The following ARHGAP6 variants were observed in gnomAD, a reference collection of about 807,000 sequenced individuals.
ARHGAP6 encodes Rho GTPase activating protein 6.
ARHGAP6 carries 16 observed loss-of-function variants against 55.7 expected under a neutral mutation model. The ratio of observed to expected loss-of-function variants is 0.29; its 90% confidence interval spans 0.19 to 0.44. The LOEUF is 0.44. ARHGAP6 is among the 20% of genes least tolerant of loss of function. The pLI, the probability that ARHGAP6 is intolerant of heterozygous loss-of-function variation, is 1.00. For missense variants in ARHGAP6, 698 were observed against 808.9 expected (o/e 0.86, Z 1.66); for synonymous variants, 382 against 360.9 (o/e 1.06, Z -0.66).
intron 1 of ARHGAP6, chrX:11,298,036 AT>A (rs1003751801): frequency 9.8e-7 from 1 of 1,023,385 alleles, no homozygotes; most frequent in African/African-American, 1.9e-5. Context: ...TGTGTGATGG[AT>A]GTAAACACAG....
At chrX:11,556,295 C>G (rs756305805) in intron 1 of ARHGAP6, among the ~76,000 whole-genome samples, 4 of 111,588 alleles carry the variant, frequency 3.6e-5, no homozygotes, top group Non-Finnish European at 7.5e-5. Context: ...GGCCAAGATC[C>G]AACAACTTTT....
chrX:11,196,002 T>TGG (rs1420198577), intron 3 of ARHGAP6, among the ~76,000 whole-genome samples: 2 of 72,503 alleles, frequency 2.8e-5, no homozygotes, highest in Non-Finnish European at 5.1e-5. Flanking sequence ...GTTGTGGTGG[T>TGG]GGGCGCCTGT....
At chrX:11,337,547 G>A (rs148522933) in intron 1 of ARHGAP6, among the ~76,000 whole-genome samples, 49 of 112,437 alleles carry the variant, frequency 4.4e-4, no homozygotes, top group African/African-American at 1.6e-3. Flanking sequence ...AGCAGCCCAA[G>A]AAGGCTGGGC....
intron 1 of ARHGAP6, among the ~76,000 whole-genome samples, chrX:11,637,428 A>T (rs2052430541): frequency 8.9e-6 from 1 of 111,965 alleles, no homozygotes; most frequent in Non-Finnish European, 1.9e-5. Flanking sequence ...AGCTTTAACA[A>T]TTCATAAACT....
chrX:11,388,429 T>A (rs1288839794), intron 1 of ARHGAP6, among the ~76,000 whole-genome samples: 44 of 112,008 alleles, frequency 3.9e-4, no homozygotes, highest in African/African-American at 1.2e-3. Context: ...AATTTGTTTG[T>A]GTTCATTGTA....
At chrX:11,379,102 G>A (rs1323351024) in intron 1 of ARHGAP6, among the ~76,000 whole-genome samples, 3 of 112,430 alleles carry the variant, frequency 2.7e-5, no homozygotes, top group Non-Finnish European at 5.6e-5. Context: ...CTTGGGTGGA[G>A]TTGCTTAGCT....
chrX:11,256,440 T>G (rs1428485813), intron 1 of ARHGAP6, among the ~76,000 whole-genome samples: 1 of 111,759 alleles, frequency 8.9e-6, no homozygotes, highest in African/African-American at 3.3e-5. Context: ...ACAGAAAGAC[T>G]GGTCCCAGCA....
intron 1 of ARHGAP6, among the ~76,000 whole-genome samples, chrX:11,346,755 G>GAAAGAA (rs1248011202): frequency 4.6e-5 from 5 of 109,576 alleles, no homozygotes; most frequent in African/African-American, 1.0e-4. Flanking sequence ...AAGAAAGAAA[G>GAAAGAA]AGAGAAAGAA....
At chrX:11,362,114 A>G (rs1229849271) in intron 1 of ARHGAP6, among the ~76,000 whole-genome samples, 2 of 112,050 alleles carry the variant, frequency 1.8e-5, no homozygotes, top group South Asian at 3.7e-4. Flanking sequence ...TCAGGGATCT[A>G]GAACTAGAAA....
chrX:11,639,344 T>G (rs1476477300), intron 1 of ARHGAP6, among the ~76,000 whole-genome samples: 1 of 110,805 alleles, frequency 9.0e-6, no homozygotes, highest in Non-Finnish European at 1.9e-5. Context: ...GTATATCTCC[T>G]AATGCTATCC....
At chrX:11,229,835 T>C (rs1736327754) in intron 2 of ARHGAP6, among the ~76,000 whole-genome samples, 1 of 111,676 alleles carries the variant, frequency 9.0e-6, no homozygotes, top group South Asian at 3.8e-4. Flanking sequence ...ACTCTTATCT[T>C]TTCAAGGTTT....
At chrX:11,453,616 G>C (rs1249204204) in intron 1 of ARHGAP6, among the ~76,000 whole-genome samples, 1 of 110,759 alleles carries the variant, frequency 9.0e-6, no homozygotes. Flanking sequence ...ACTTCTGGTT[G>C]TACCAATAGT....
At chrX:11,504,258 A>G (rs2050709853) in intron 1 of ARHGAP6, among the ~76,000 whole-genome samples, 1 of 112,078 alleles carries the variant, frequency 8.9e-6, no homozygotes, top group Admixed American at 9.5e-5. Context: ...GCTTCCTTGG[A>G]AAGCAGGTAG....
In ARHGAP6 at chrX:11,183,433, T is replaced by A. The variant is rs539554356; in HGVS notation, c.1274-1315A>T. Among the ~76,000 whole-genome samples, 77 of 111,946 alleles carry A rather than the reference T, an allele frequency of 6.9e-4. No individual in the cohort carries two copies. The South Asian group carries it at 0.026, about 38-fold the overall frequency. Reference sequence around the variant, plus strand: ...TCATGTCCTAGATGTGAAAATATAGTGTCAGTGCTGAGGTTGAGAAACTCA... The same window carrying A: ...TCATGTCCTAGATGTGAAAATATAGAGTCAGTGCTGAGGTTGAGAAACTCA... On this transcript the variant is annotated intron_variant, in intron 5 of 12. Coordinates refer to ENST00000337414, the MANE Select transcript of ARHGAP6 (RefSeq NM_013427.3).
intron 1 of ARHGAP6, among the ~76,000 whole-genome samples, chrX:11,416,853 C>T (rs1318909189): frequency 3.7e-5 from 4 of 107,795 alleles, no homozygotes; most frequent in Non-Finnish European, 5.7e-5. Flanking sequence ...TTCAGTCACG[C>T]GGTTGTCGGT....
At chrX:11,515,405 G>A (rs1290568207) in intron 1 of ARHGAP6, among the ~76,000 whole-genome samples, 1 of 112,047 alleles carries the variant, frequency 8.9e-6, no homozygotes, top group Non-Finnish European at 1.9e-5. Context: ...ACAGTGTCAT[G>A]TTAGGGAACA....
intron 1 of ARHGAP6, among the ~76,000 whole-genome samples, chrX:11,655,700 T>C (rs996587864): frequency 1.5e-4 from 17 of 112,278 alleles, no homozygotes; most frequent in African/African-American, 5.5e-4. Flanking sequence ...TCCAAGGGTT[T>C]TTCTGCCATG....
intron 1 of ARHGAP6, among the ~76,000 whole-genome samples, chrX:11,262,612 T>C (rs1569277291): frequency 9.0e-6 from 1 of 111,638 alleles, no homozygotes; most frequent in Admixed American, 9.5e-5. Flanking sequence ...ACCCAAGGCA[T>C]CGGAATCACG....
At chrX:11,190,840 C>T (rs2046448912) in intron 3 of ARHGAP6, among the ~76,000 whole-genome samples, 1 of 111,829 alleles carries the variant, frequency 8.9e-6, no homozygotes, top group African/African-American at 3.3e-5. Flanking sequence ...ATCTTCCCCA[C>T]CAGCAAATAA....
Sources: allele counts gnomAD v4.1 joint callset (sites outside exome capture counted in the v4.1 genomes callset), GRCh38; gene constraint gnomAD v4.1.1; transcripts MANE v1.5; gene names NCBI Gene and HGNC (gene_info 2026-07-23, HGNC 2026-07-21).